LINGO2: variants seen among roughly 807,000 people sequenced by gnomAD.
LINGO2 encodes leucine-rich repeat and immunoglobulin-like domain-containing nogo receptor-interacting protein 2.
Under a neutral mutation model 30.6 loss-of-function variants are expected in LINGO2, and 14 were observed. The ratio of observed to expected loss-of-function variants is 0.46; its 90% CI spans 0.30 to 0.72. The LOEUF is 0.72. LINGO2 is among the 30% of genes least tolerant of loss of function. The probability of loss-of-function intolerance (pLI) is 0.07; values close to 1 mark genes in which losing one functional copy is unlikely to be tolerated. For missense variants in LINGO2, 729 were observed against 751.7 expected (o/e 0.97, Z 0.35); for synonymous variants, 317 against 288.5 (o/e 1.10, Z -1.00).
At chr9:28,906,261 T>C in the LINGO2 span, among the ~76,000 whole-genome samples, 2 of 152,038 alleles carry the variant, frequency 1.3e-5, no homozygotes, top group Admixed American at 1.3e-4. Flanking sequence ...AATAACAATG[T>C]ATTATATTTA....
the LINGO2 span, among the ~76,000 whole-genome samples, chr9:29,003,964 A>G: frequency 6.6e-6 from 1 of 151,996 alleles, no homozygotes; most frequent in Admixed American, 6.6e-5. Flanking sequence ...CAAAATCTAA[A>G]TTGACTCTAT....
At chr9:28,980,627 T>A in the LINGO2 span, among the ~76,000 whole-genome samples, 1 of 152,080 alleles carries the variant, frequency 6.6e-6, no homozygotes, top group East Asian at 1.9e-4. Flanking sequence ...CTGTCTGGAC[T>A]GCTCCCGCCA....
At chr9:28,003,588 A>C (rs1200582309) in intron 5 of LINGO2, among the ~76,000 whole-genome samples, 1 of 152,118 alleles carries the variant, frequency 6.6e-6, no homozygotes, top group African/African-American at 2.4e-5. Flanking sequence ...CAGCCTCCTG[A>C]GTAGCTGGGA....
exon 6 of LINGO2, chr9:27,949,757 C>T (rs753061857): frequency 6.2e-7 from 1 of 1,614,134 alleles, no homozygotes; most frequent in East Asian, 2.2e-5. Context: ...GCTGGGCCCC[C>T]ACTATATGAA....
chr9:28,737,508 T>A, the LINGO2 span, among the ~76,000 whole-genome samples: 5 of 152,196 alleles, frequency 3.3e-5, no homozygotes, highest in Non-Finnish European at 4.4e-5. Context: ...ATTTTACAGA[T>A]GAAGAAATTG....
At chr9:28,757,271 C>T in the LINGO2 span, among the ~76,000 whole-genome samples, 1 of 151,928 alleles carries the variant, frequency 6.6e-6, no homozygotes, top group Non-Finnish European at 1.5e-5. Flanking sequence ...AGCCTTGATC[C>T]GTCTCAGAGT....
the LINGO2 span, among the ~76,000 whole-genome samples, chr9:29,076,798 C>T: frequency 1.3e-5 from 2 of 151,624 alleles, no homozygotes; most frequent in African/African-American, 4.8e-5. Context: ...CTTTTCTATG[C>T]CTCAGTTTCC....
At chr9:29,108,729 A>C in the LINGO2 span, among the ~76,000 whole-genome samples, 3 of 152,202 alleles carry the variant, frequency 2.0e-5, no homozygotes, top group African/African-American at 7.2e-5. Flanking sequence ...GATAATGCAG[A>C]GTTAATTACA....
intron 2 of LINGO2, among the ~76,000 whole-genome samples, chr9:28,389,961 T>C (rs1202472779): frequency 6.6e-6 from 1 of 152,216 alleles, no homozygotes; most frequent in Non-Finnish European, 1.5e-5. Flanking sequence ...CCATGCTTCC[T>C]TTTCTTGATG....
At chr9:28,438,827 C>CATATATATATATATATATATATAATGAG in intron 2 of LINGO2, among the ~76,000 whole-genome samples, 1 of 130,808 alleles carries the variant, frequency 7.6e-6, no homozygotes, top group East Asian at 2.1e-4. Context: ...AAAATATATA[C>CATATATATATATATATATATATAATGAG]ATATATATAT....
intron 2 of LINGO2, among the ~76,000 whole-genome samples, chr9:28,439,278 T>C (rs1440995981): frequency 6.6e-6 from 1 of 151,656 alleles, no homozygotes; most frequent in Non-Finnish European, 1.5e-5. Context: ...TATATATGTG[T>C]GTGTGTGTGT....
chr9:28,841,964 T>C, the LINGO2 span, among the ~76,000 whole-genome samples: 1 of 151,808 alleles, frequency 6.6e-6, no homozygotes, highest in Non-Finnish European at 1.5e-5. Context: ...GGGCATTCTA[T>C]TGAATCATGT....
chr9:28,246,390 G>A (rs1822000508), intron 4 of LINGO2, among the ~76,000 whole-genome samples: 1 of 152,020 alleles, frequency 6.6e-6, no homozygotes. Context: ...TCTTGCCACT[G>A]CACTCCAGTC....
At chr9:28,723,979 C>T in the LINGO2 span, among the ~76,000 whole-genome samples, 4 of 151,882 alleles carry the variant, frequency 2.6e-5, no homozygotes, top group African/African-American at 9.7e-5. Context: ...AATGCATATA[C>T]TCTATTTGCT....
chr9:28,588,033 C>T (rs1000771381), intron 1 of LINGO2, among the ~76,000 whole-genome samples: 1 of 152,004 alleles, frequency 6.6e-6, no homozygotes, highest in African/African-American at 2.4e-5. Context: ...TCTGAGGTCA[C>T]ATAGCAAGCC....
chr9:28,022,048 T>C (rs1823152927), intron 4 of LINGO2, among the ~76,000 whole-genome samples: 2 of 152,110 alleles, frequency 1.3e-5, no homozygotes, highest in African/African-American at 4.8e-5. Context: ...TTGGTTCTTT[T>C]CTGCCCTCTC....
the LINGO2 span, among the ~76,000 whole-genome samples, chr9:28,769,323 T>C: frequency 1.3e-5 from 2 of 150,464 alleles, no homozygotes; most frequent in East Asian, 1.9e-4. Flanking sequence ...AATAGGAAAA[T>C]ATCCCCTTAA....
chr9:28,406,074 G>C (rs762127222), intron 2 of LINGO2, among the ~76,000 whole-genome samples: 8 of 151,984 alleles, frequency 5.3e-5, no homozygotes, highest in Non-Finnish European at 1.0e-4. Context: ...CTAATTCCTT[G>C]TTTTCAAAAT....
At chr9:28,127,153 C>T (rs1455898381) in intron 4 of LINGO2, among the ~76,000 whole-genome samples, 5 of 152,166 alleles carry the variant, frequency 3.3e-5, no homozygotes, top group Non-Finnish European at 1.5e-5. Context: ...TCTGTACTTG[C>T]CACACCTTTC....
Sources: gnomAD v4.1 joint callset for allele counts (sites outside exome capture counted in the v4.1 genomes callset) on GRCh38, gnomAD v4.1.1 for gene constraint, MANE v1.5 for transcripts, NCBI Gene and HGNC (gene_info 2026-07-23, HGNC 2026-07-21) for gene names.